TXLNB: variants seen among roughly 807,000 people sequenced by gnomAD.
TXLNB encodes the protein beta-taxilin.
In TXLNB, 37 loss-of-function variants were observed where a neutral mutation model predicts 57.4. The ratio of observed to expected loss-of-function variants is 0.64; its 90% CI spans 0.50 to 0.85. The LOEUF (loss-of-function observed/expected upper bound fraction) is 0.85. Among genes scored for constraint, TXLNB ranks in the 40% least tolerant of loss-of-function variants. The pLI is 0.00. For synonymous variants in TXLNB, 302 were observed against 309.6 expected (o/e 0.98, Z 0.26); for missense variants, 848 against 825.6 (o/e 1.03, Z -0.33).
At chr6:139,292,289 C>T (rs551283979), upstream of TXLNB, 1 of 152,170 alleles carries the variant, frequency 6.6e-6, no homozygotes, top group Admixed American at 6.5e-5. This position sits in a 1 kb window ranked among gnomAD's most constrained non-coding sequence, Gnocchi z 4.0. Context: ...TTTGTCCTTT[C>T]GGAAATTTAA....
At chr6:139,197,115 T>G in the TXLNB span, among the ~76,000 whole-genome samples, 1 of 152,196 alleles carries the variant, frequency 6.6e-6, no homozygotes, top group African/African-American at 2.4e-5. Context: ...CTATTCTCTT[T>G]TACTGTTCTA....
chr6:139,225,856 TAAG>T, the TXLNB span, among the ~76,000 whole-genome samples: 6 of 152,132 alleles, frequency 3.9e-5, no homozygotes, highest in Non-Finnish European at 5.9e-5. Context: ...GTAAAAGGGC[TAAG>T]AAGTTAAGAA....
chr6:139,202,782 A>G, the TXLNB span, among the ~76,000 whole-genome samples: 1 of 152,216 alleles, frequency 6.6e-6, no homozygotes, highest in South Asian at 2.1e-4. Context: ...ACCTTATAGC[A>G]GTATAGAACA....
In TXLNB at chr6:139,242,524, G is replaced by T; in HGVS notation, c.*2C>A. 6.7e-7 allele frequency: 1 copy of T among 1,499,208 alleles called. No homozygotes were observed. Among genetic ancestry groups the T allele is most frequent in the South Asian group, 1.4e-5 (1 of 72,526 alleles). 92.9% of individuals were successfully genotyped at this position (1,499,208 alleles called of 1,614,324 possible). A position where few individuals can be genotyped will look rare whatever the true frequency, so the allele number is the denominator to read the frequency against. ...AAGAAGCCTCTGAAGGCACGGTGAG[G>T]CTTAGTCGACGCCTTCCAGATTGGT... On this transcript the variant is annotated 3_prime_UTR_variant, in exon 10 of 10. Coordinates refer to ENST00000358430, the MANE Select transcript of TXLNB (RefSeq NM_153235.4).
chr6:139,303,810 T>C, the TXLNB span, among the ~76,000 whole-genome samples: 3 of 151,116 alleles, frequency 2.0e-5, no homozygotes, highest in African/African-American at 4.8e-5. Context: ...AGAAATAATC[T>C]AGGAACAATG....
At chr6:139,263,756 T>C (rs540385475) in intron 4 of TXLNB, among the ~76,000 whole-genome samples, 40 of 152,320 alleles carry the variant, frequency 2.6e-4, no homozygotes, top group African/African-American at 9.1e-4. Flanking sequence ...GGCTGACAAA[T>C]GATACAGACA....
chr6:139,183,429 G>GT, the TXLNB span: 6 of 152,216 alleles, frequency 3.9e-5, no homozygotes, highest in Non-Finnish European at 8.8e-5. Context: ...AGTTGTGCAT[G>GT]TTACTTTTGA....
At chr6:139,196,458 T>C in the TXLNB span, among the ~76,000 whole-genome samples, 1 of 137,514 alleles carries the variant, frequency 7.3e-6, no homozygotes, top group African/African-American at 2.6e-5. Flanking sequence ...CACTGCAACC[T>C]CTGCGTCCCA....
At chr6:139,228,867 CA>C in the TXLNB span, among the ~76,000 whole-genome samples, 1 of 152,132 alleles carries the variant, frequency 6.6e-6, no homozygotes, top group Non-Finnish European at 1.5e-5. Context: ...ACTTTCAACC[CA>C]GTTGCAGTCC....
At chr6:139,245,863 T>G (rs1360176372) in intron 8 of TXLNB, among the ~76,000 whole-genome samples, 1 of 152,124 alleles carries the variant, frequency 6.6e-6, no homozygotes, top group African/African-American at 2.4e-5. Flanking sequence ...TGGCTAATTT[T>G]TTTGTATTTC....
At chr6:139,266,077 T>C (rs1776608376) in intron 4 of TXLNB, among the ~76,000 whole-genome samples, 1 of 152,206 alleles carries the variant, frequency 6.6e-6, no homozygotes, top group African/African-American at 2.4e-5. Flanking sequence ...ACAAAGTTTA[T>C]GGTTTGAATC....
the TXLNB span, among the ~76,000 whole-genome samples, chr6:139,173,206 C>T: frequency 6.6e-6 from 1 of 152,180 alleles, no homozygotes; most frequent in Non-Finnish European, 1.5e-5. Context: ...TTCTTGTCAT[C>T]CTTCCCCCTT....
the TXLNB span, among the ~76,000 whole-genome samples, chr6:139,171,661 T>A: frequency 6.6e-6 from 1 of 152,176 alleles, no homozygotes; most frequent in Non-Finnish European, 1.5e-5. Flanking sequence ...TCTCAGTCTG[T>A]CACCCTGGCT....
At chr6:139,244,566 G>C in intron 9 of TXLNB, 29 bp downstream of exon 9, 2 of 1,419,586 alleles carry the variant, frequency 1.4e-6, no homozygotes, top group Non-Finnish European at 2.0e-6. Context: ...AGACAGAGGG[G>C]ATTAAAGCTA....
intron 6 of TXLNB, among the ~76,000 whole-genome samples, chr6:139,258,377 T>A (rs186764451): frequency 1.5e-4 from 23 of 152,336 alleles, no homozygotes; most frequent in Admixed American, 1.3e-3. Flanking sequence ...AAGCATATTT[T>A]ACCCAAGAAG....
the TXLNB span, among the ~76,000 whole-genome samples, chr6:139,196,678 A>T: frequency 0.55 from 84,024 of 151,832 alleles, 24,230 homozygotes; most frequent in Non-Finnish European, 0.59. Context: ...CCCGGCCCAG[A>T]TCTCTTTAAA....
chr6:139,289,561 G>GT (rs80154239), intron 1 of TXLNB, among the ~76,000 whole-genome samples: 7,863 of 152,240 alleles, frequency 0.052, 488 homozygotes, highest in African/African-American at 0.15. Flanking sequence ...GTGGAAAGTT[G>GT]TTTTTCCAAA....
Position 139,270,496 on chromosome 6 carries a change from C to T in TXLNB, c.647G>A (p.Ser216Asn). ...RAILARSKLE[S>N]LCRELQRHNK... ...GTGTCTCTGCAGCTCCCGGCACAGA[C>T]TCTCCAATTTGCTTCGAGCGAGGAT... Residue 216 changes from serine (S) to asparagine (N), a missense_variant, in exon 4 of 10, where the codon AGT becomes AAT. Transcript: ENST00000358430. 6.2e-7 allele frequency: 1 copy of T among 1,614,218 alleles called. No individual in the cohort carries two copies. The highest frequency in any genetic ancestry group is 8.5e-7 in the Non-Finnish European group (1 of 1,180,030).
upstream of TXLNB, among the ~76,000 whole-genome samples, chr6:139,293,572 G>C (rs943053878): frequency 1.3e-5 from 2 of 151,938 alleles, no homozygotes; most frequent in African/African-American, 2.4e-5. Flanking sequence ...AAAGAAATTC[G>C]TTTTGGATTT....
Sources: gnomAD v4.1 joint callset for allele counts (sites outside exome capture counted in the v4.1 genomes callset) on GRCh38, gnomAD v4.1.1 for gene constraint, Gnocchi (gnomAD v3.1) non-coding constraint, MANE v1.5 for transcripts, NCBI Gene and HGNC (gene_info 2026-07-23, HGNC 2026-07-21) for gene names.